Variants in RYR3 observed in about 807,000 individuals in gnomAD.
RYR3 encodes ryanodine receptor 3, also known as brain ryanodine receptor-calcium release channel.
RYR3 carries 207 observed loss-of-function variants against 584.3 expected under a neutral mutation model. The ratio of observed to expected loss-of-function variants is 0.35; its 90% CI spans 0.32 to 0.40. The LOEUF is 0.40. Ranked by LOEUF, RYR3 falls within the 10% of genes least tolerant of loss-of-function variation. RYR3 has a pLI of 1.00. For synonymous variants in RYR3, 2,416 were observed against 2,248.5 expected, an observed-to-expected ratio of 1.07 and a Z score of -2.11; for missense variants, 5,616 against 6,089.2, an observed-to-expected ratio of 0.92 and a Z score of 2.59.
chr15:33,804,302 A>G (rs950565686), intron 69 of RYR3, among the ~76,000 whole-genome samples: 3 of 152,224 alleles, frequency 2.0e-5, no homozygotes, highest in Admixed American at 6.5e-5. Context: ...TAGATGTTGA[A>G]TAATAGTTGC....
intron 23 of RYR3, among the ~76,000 whole-genome samples, chr15:33,632,067 C>G (rs1450178640): frequency 6.6e-6 from 1 of 152,264 alleles, no homozygotes; most frequent in African/African-American, 2.4e-5. Flanking sequence ...TCAGTGCATC[C>G]TGACTCTGCC....
At chr15:33,688,921 C>T (rs142722626) in intron 38 of RYR3, among the ~76,000 whole-genome samples, 108 of 152,192 alleles carry the variant, frequency 7.1e-4, no homozygotes, top group African/African-American at 2.4e-3. Flanking sequence ...AAGACACATG[C>T]GCACATATGT....
At chr15:33,436,557 G>A (rs1417200164) in intron 1 of RYR3, among the ~76,000 whole-genome samples, 2 of 149,266 alleles carry the variant, frequency 1.3e-5, no homozygotes, top group Non-Finnish European at 3.0e-5. Context: ...CTGGAGTGCA[G>A]TGATGCAATC....
At chr15:33,531,572 T>G (rs989760833) in intron 4 of RYR3, among the ~76,000 whole-genome samples, 6 of 151,980 alleles carry the variant, frequency 3.9e-5, no homozygotes, top group African/African-American at 1.4e-4. Context: ...TCTCAAGGCT[T>G]GAACTATCAA....
intron 19 of RYR3, among the ~76,000 whole-genome samples, chr15:33,621,865 G>GT (rs1325842623): frequency 6.6e-6 from 1 of 152,154 alleles, no homozygotes; most frequent in Non-Finnish European, 1.5e-5. Context: ...AGAATATCTT[G>GT]TAAGGCTGCC....
At chr15:33,409,391 C>G (rs989572632) in intron 1 of RYR3, among the ~76,000 whole-genome samples, 3 of 151,590 alleles carry the variant, frequency 2.0e-5, no homozygotes, top group Non-Finnish European at 1.5e-5. Flanking sequence ...CCCAGAGACA[C>G]TACCTAGATT....
intron 5 of RYR3, 147 bp from the exon 6 acceptor site, chr15:33,539,203 G>A (rs1352631266): frequency 2.0e-5 from 12 of 585,580 alleles, no homozygotes; most frequent in Middle Eastern, 6.3e-4. Context: ...TGTCTGGAAC[G>A]GTTAGAGACC....
chr15:33,503,603 T>A, intron 2 of RYR3, 28 bp from the exon 3 acceptor site: 1 of 1,297,944 alleles, frequency 7.7e-7, no homozygotes, highest in Non-Finnish European at 1.1e-6. Context: ...TATGAGTAGG[T>A]ATCCTCATTC....
intron 1 of RYR3, among the ~76,000 whole-genome samples, chr15:33,339,285 C>T (rs1971517890): frequency 6.6e-6 from 1 of 152,156 alleles, no homozygotes; most frequent in South Asian, 2.1e-4. Flanking sequence ...CTGATGGGCT[C>T]ACGGAGAGCT....
chr15:33,372,286 G>A (rs1405874853), intron 1 of RYR3, among the ~76,000 whole-genome samples: 2 of 151,182 alleles, frequency 1.3e-5, no homozygotes, highest in Admixed American at 1.3e-4. Context: ...CCGTCTCCCA[G>A]ATTTAAGCAA....
At chr15:33,407,207 G>A (rs556090702) in intron 1 of RYR3, among the ~76,000 whole-genome samples, 2 of 152,306 alleles carry the variant, frequency 1.3e-5, no homozygotes, top group East Asian at 1.9e-4. Context: ...TATCTTAAAG[G>A]CCCCACCTCT....
intron 69 of RYR3, among the ~76,000 whole-genome samples, chr15:33,806,595 T>A (rs908031684): frequency 1.3e-5 from 2 of 152,102 alleles, no homozygotes; most frequent in African/African-American, 2.4e-5. Flanking sequence ...ATCTTAGCAA[T>A]ATGTGACAGA....
intron 19 of RYR3, among the ~76,000 whole-genome samples, chr15:33,620,472 A>G (rs772714682): frequency 2.6e-5 from 4 of 152,184 alleles, no homozygotes; most frequent in Non-Finnish European, 4.4e-5. Flanking sequence ...TCAGCACTTC[A>G]CTTTAGGATG....
chr15:33,852,341 C>T (rs895358530), intron 94 of RYR3: 1 of 152,058 alleles, frequency 6.6e-6, no homozygotes, highest in Admixed American at 6.6e-5. Flanking sequence ...TCTTTCTTAA[C>T]TTTAACAGTA....
intron 34 of RYR3, among the ~76,000 whole-genome samples, chr15:33,661,245 C>T (rs1286307820): frequency 1.3e-5 from 2 of 152,002 alleles, no homozygotes; most frequent in East Asian, 1.9e-4. Flanking sequence ...AGATTAGAGC[C>T]GAGGCCCTGG....
At position 33,839,012 on chromosome 15, in the gene RYR3, A is replaced by G; in HGVS notation, c.12978+54A>G. 4.5e-6 allele frequency: 7 copies of G among 1,556,902 alleles called. No homozygotes were observed. In the South Asian group the frequency reaches 7.6e-5, roughly 17 times the overall value. On this transcript the variant is annotated intron_variant, in intron 89 of 103. Transcript: ENST00000634891. ...CTTTATCCCCAGAATAAGACTTGCC[A>G]CCATATCTTGTAATCAGTACTGACA...
chr15:33,746,194 G>A (rs1364036099), intron 53 of RYR3, 37 bp downstream of exon 53: 1 of 1,380,560 alleles, frequency 7.2e-7, no homozygotes, highest in African/African-American at 1.4e-5. Flanking sequence ...GTGTGACCAT[G>A]CTGTTTCCTT....
At chr15:33,821,962 C>G (rs1024278713) in intron 80 of RYR3, among the ~76,000 whole-genome samples, 1 of 152,104 alleles carries the variant, frequency 6.6e-6, no homozygotes, top group Non-Finnish European at 1.5e-5. Flanking sequence ...GAGCAAGGAG[C>G]CTCATCAGTT....
At chr15:33,635,976 T>A (rs2061478475) in intron 26 of RYR3, among the ~76,000 whole-genome samples, 157 bp downstream of exon 26, 1 of 152,236 alleles carries the variant, frequency 6.6e-6, no homozygotes, top group Non-Finnish European at 1.5e-5. Context: ...CTAGTGACTG[T>A]TTCTTTGCTC....
Sources: allele counts gnomAD v4.1 joint callset (sites outside exome capture counted in the v4.1 genomes callset), GRCh38; gene constraint gnomAD v4.1.1; transcripts MANE v1.5; gene names NCBI Gene and HGNC (gene_info 2026-07-23, HGNC 2026-07-21).